Variants in ADGRL2 observed in about 807,000 individuals in gnomAD.
ADGRL2 encodes the protein adhesion G protein-coupled receptor L2, also known as calcium-independent alpha-latrotoxin receptor 2.
ADGRL2 carries 44 observed loss-of-function variants against 157.4 expected under a neutral mutation model. That is an observed-to-expected ratio of 0.28 (90% confidence interval 0.22 to 0.36). The LOEUF (loss-of-function observed/expected upper bound fraction) is 0.36. ADGRL2 is among the 10% of genes least tolerant of loss of function. The pLI, the probability that ADGRL2 is intolerant of heterozygous loss-of-function variation, is 1.00. For missense variants in ADGRL2, 1,510 were observed against 1,768.9 expected, an observed-to-expected ratio of 0.85 and a Z score of 2.63; for synonymous variants, 585 against 624.7, an observed-to-expected ratio of 0.94 and a Z score of 0.95.
At chr1:81,934,534 C>T (rs1272765890) in intron 3 of ADGRL2, among the ~76,000 whole-genome samples, 2 of 151,872 alleles carry the variant, frequency 1.3e-5, no homozygotes, top group Middle Eastern at 3.4e-3. Flanking sequence ...TTCTCCTTCA[C>T]CTTAATAGCA....
chr1:81,839,303 A>T (rs766888409), intron 2 of ADGRL2, among the ~76,000 whole-genome samples: 1 of 152,034 alleles, frequency 6.6e-6, no homozygotes, highest in Non-Finnish European at 1.5e-5. Flanking sequence ...TTATTGAGTG[A>T]TTAAATTGAG....
chr1:81,509,714 G>T (rs1458955311), intron 2 of ADGRL2, among the ~76,000 whole-genome samples: 2 of 152,120 alleles, frequency 1.3e-5, no homozygotes, highest in Non-Finnish European at 2.9e-5. Flanking sequence ...AAAGCAAATG[G>T]ATTAACAACA....
intron 1 of ADGRL2, among the ~76,000 whole-genome samples, chr1:81,349,892 T>C (rs1479836019): frequency 6.6e-6 from 1 of 151,970 alleles, no homozygotes; most frequent in African/African-American, 2.4e-5. Context: ...AAAAATACAT[T>C]CTACAAACCT....
chr1:81,689,914 A>T (rs1235416063), intron 3 of ADGRL2, among the ~76,000 whole-genome samples: 1 of 152,072 alleles, frequency 6.6e-6, no homozygotes, highest in Admixed American at 6.6e-5. Flanking sequence ...CACTGACCAG[A>T]CCCAGTCTTT....
At chr1:81,398,332 C>T (rs966946651) in intron 1 of ADGRL2, among the ~76,000 whole-genome samples, 37 of 152,280 alleles carry the variant, frequency 2.4e-4, no homozygotes, top group African/African-American at 7.5e-4. Flanking sequence ...TGAGGACTTA[C>T]TCCTGTCATT....
At chr1:81,954,354 T>C (rs565085097) in intron 10 of ADGRL2, among the ~76,000 whole-genome samples, 2 of 152,280 alleles carry the variant, frequency 1.3e-5, no homozygotes, top group South Asian at 4.1e-4. Context: ...TAGCAAGTTA[T>C]GTGTATATGG....
intron 2 of ADGRL2, among the ~76,000 whole-genome samples, chr1:81,543,653 A>T (rs1447100902): frequency 1.3e-5 from 2 of 152,142 alleles, no homozygotes; most frequent in Admixed American, 6.5e-5. Context: ...AATTCAATTC[A>T]TCTTCCTGCT....
intron 3 of ADGRL2, among the ~76,000 whole-genome samples, chr1:81,612,716 G>A (rs1037341443): frequency 4.6e-5 from 7 of 151,910 alleles, no homozygotes; most frequent in South Asian, 4.1e-4. Context: ...AAACAATGAC[G>A]ACAAACAAAC....
chr1:81,778,101 A>G (rs2086661257), intron 2 of ADGRL2, among the ~76,000 whole-genome samples: 2 of 152,144 alleles, frequency 1.3e-5, no homozygotes, highest in Non-Finnish European at 2.9e-5. Flanking sequence ...CGGGCGTATT[A>G]CGAGGTCAAG....
intron 1 of ADGRL2, among the ~76,000 whole-genome samples, chr1:81,725,479 C>T (rs1411130960): frequency 1.3e-5 from 2 of 152,014 alleles, no homozygotes; most frequent in Non-Finnish European, 2.9e-5. Context: ...GTGAAGGTTG[C>T]AGTGAGCTGA....
At chr1:81,638,374 T>C (rs959375768) in intron 3 of ADGRL2, among the ~76,000 whole-genome samples, 1 of 152,104 alleles carries the variant, frequency 6.6e-6, no homozygotes, top group Non-Finnish European at 1.5e-5. Context: ...GAAAGTAAAA[T>C]AAAAACTTTC....
intron 1 of ADGRL2, among the ~76,000 whole-genome samples, chr1:81,375,056 G>A (rs1267771411): frequency 1.3e-5 from 2 of 152,166 alleles, no homozygotes; most frequent in South Asian, 2.1e-4. Flanking sequence ...ATCATGGAGT[G>A]TTGTTCCAGA....
chr1:81,460,487 C>T (rs902229390), intron 2 of ADGRL2, among the ~76,000 whole-genome samples: 1 of 151,954 alleles, frequency 6.6e-6, no homozygotes, highest in African/African-American at 2.4e-5. Flanking sequence ...CATAATTTTA[C>T]CTTAAAGGGA....
chr1:81,406,990 T>G (rs1300581521), intron 1 of ADGRL2, among the ~76,000 whole-genome samples: 1 of 152,190 alleles, frequency 6.6e-6, no homozygotes, highest in Non-Finnish European at 1.5e-5. Context: ...CTGTTTCATT[T>G]TGTTTTGAGT....
intron 1 of ADGRL2, among the ~76,000 whole-genome samples, chr1:81,756,323 CA>C (rs1248003204): frequency 2.6e-5 from 4 of 152,042 alleles, no homozygotes; most frequent in African/African-American, 9.7e-5. Flanking sequence ...TTTTATCATT[CA>C]TTCATTCATT....
At chr1:81,710,007 A>G (rs2083869792) in intron 1 of ADGRL2, among the ~76,000 whole-genome samples, 1 of 152,172 alleles carries the variant, frequency 6.6e-6, no homozygotes, top group Admixed American at 6.5e-5. Flanking sequence ...ACAACTAATC[A>G]CCTGTGGTGT....
chr1:81,481,350 A>T (rs371153646), intron 2 of ADGRL2, among the ~76,000 whole-genome samples: 1 of 152,250 alleles, frequency 6.6e-6, no homozygotes. Context: ...TTATGCATTG[A>T]TTCCAGAAAG....
At chr1:81,401,737 C>T (rs1288482206) in intron 1 of ADGRL2, among the ~76,000 whole-genome samples, 1 of 152,150 alleles carries the variant, frequency 6.6e-6, no homozygotes, top group East Asian at 1.9e-4. Context: ...AGTCACTAAG[C>T]AGCATCTTTT....
At chr1:81,664,292 A>C (rs532792425) in intron 3 of ADGRL2, among the ~76,000 whole-genome samples, 5 of 152,158 alleles carry the variant, frequency 3.3e-5, no homozygotes, top group African/African-American at 1.2e-4. Context: ...AACATCCTAG[A>C]TTTATAATAA....
Sources: allele counts gnomAD v4.1 joint callset (sites outside exome capture counted in the v4.1 genomes callset), GRCh38; gene constraint gnomAD v4.1.1; transcripts MANE v1.5; gene names NCBI Gene and HGNC (gene_info 2026-07-23, HGNC 2026-07-21).